The following NCOA1 variants were observed in gnomAD, a reference collection of about 807,000 sequenced individuals.
NCOA1 encodes Hin-2 protein.
Under a neutral mutation model 150.9 loss-of-function variants are expected in NCOA1, and 35 were observed. The ratio of observed to expected loss-of-function variants is 0.23; its 90% CI spans 0.18 to 0.31. The LOEUF is 0.31. NCOA1 is among the 10% of genes least tolerant of loss of function. The pLI, the probability that NCOA1 is intolerant of heterozygous loss-of-function variation, is 1.00. For synonymous variants in NCOA1, 590 were observed against 630.0 expected, an observed-to-expected ratio of 0.94 and a Z score of 0.95; for missense variants, 1,491 against 1,749.3, an observed-to-expected ratio of 0.85 and a Z score of 2.63.
intron 3 of NCOA1, among the ~76,000 whole-genome samples, chr2:24,594,368 TC>T (rs1428814320): frequency 6.6e-6 from 1 of 152,176 alleles, no homozygotes; most frequent in Non-Finnish European, 1.5e-5. Context: ...ATTTTCATGT[TC>T]CTGATGGGGG....
intron 7 of NCOA1, among the ~76,000 whole-genome samples, chr2:24,679,050 A>T (rs1672045326): frequency 6.6e-6 from 1 of 152,218 alleles, no homozygotes; most frequent in Non-Finnish European, 1.5e-5. Context: ...GTCCCATCAC[A>T]GTCACTTTGG....
intron 20 of NCOA1, 29 bp downstream of exon 20, chr2:24,752,185 T>C: frequency 6.2e-7 from 1 of 1,602,546 alleles, no homozygotes; most frequent in Non-Finnish European, 8.5e-7. Flanking sequence ...TATATGAGCA[T>C]CCTTGATACT....
chr2:24,693,713 C>G (rs1466152570), intron 10 of NCOA1, among the ~76,000 whole-genome samples: 1 of 149,154 alleles, frequency 6.7e-6, no homozygotes, highest in African/African-American at 2.4e-5. Flanking sequence ...TACTATTATG[C>G]TTAAACGTAT....
chr2:24,678,008 G>A (rs1354055485), intron 7 of NCOA1, among the ~76,000 whole-genome samples: 1 of 151,996 alleles, frequency 6.6e-6, no homozygotes, highest in Non-Finnish European at 1.5e-5. Context: ...GCATCCATTA[G>A]CTATTCTTCC....
At chr2:24,557,550 T>C (rs942273051) in intron 1 of NCOA1, among the ~76,000 whole-genome samples, 1 of 148,854 alleles carries the variant, frequency 6.7e-6, no homozygotes, top group African/African-American at 2.5e-5. Flanking sequence ...CCTTCTCCCC[T>C]CCCTTCCCCC....
chr2:24,739,651 G>A, intron 18 of NCOA1, 118 bp downstream of exon 18: 2 of 656,228 alleles, frequency 3.0e-6, no homozygotes, highest in Non-Finnish European at 5.1e-6. Flanking sequence ...GATGTTTGTA[G>A]TGTAGTTTTC....
chr2:24,588,924 TC>T (rs1667528425), intron 3 of NCOA1, among the ~76,000 whole-genome samples: 1 of 152,212 alleles, frequency 6.6e-6, no homozygotes, highest in African/African-American at 2.4e-5. Flanking sequence ...TCTTATCTCT[TC>T]CTTTTGATGA....
At chr2:24,593,610 C>T (rs1375468931) in intron 3 of NCOA1, among the ~76,000 whole-genome samples, 1 of 152,124 alleles carries the variant, frequency 6.6e-6, no homozygotes, top group African/African-American at 2.4e-5. Context: ...TGTGGACTTA[C>T]ACAAGCATCT....
intron 1 of NCOA1, among the ~76,000 whole-genome samples, chr2:24,534,231 A>G (rs1254522374): frequency 6.6e-6 from 1 of 152,156 alleles, no homozygotes; most frequent in Non-Finnish European, 1.5e-5. Context: ...TTATTTGTGT[A>G]GAGGTGTTTA....
intron 4 of NCOA1, among the ~76,000 whole-genome samples, chr2:24,651,250 C>T (rs921280787): frequency 2.6e-5 from 4 of 152,090 alleles, no homozygotes; most frequent in South Asian, 2.1e-4. Context: ...TGTCTGCACT[C>T]CCATGTTCAT....
chr2:24,649,081 A>G (rs1670603794), intron 4 of NCOA1, among the ~76,000 whole-genome samples: 1 of 151,778 alleles, frequency 6.6e-6, no homozygotes, highest in African/African-American at 2.4e-5. Context: ...AATTTTTTTT[A>G]ATTTTTATTT....
chr2:24,545,862 G>A (rs761909540), intron 1 of NCOA1, among the ~76,000 whole-genome samples: 2 of 152,130 alleles, frequency 1.3e-5, no homozygotes, highest in South Asian at 2.1e-4. Flanking sequence ...GCACGATCTC[G>A]GCTCACTGCA....
chr2:24,651,823 C>G (rs191103947), intron 4 of NCOA1, among the ~76,000 whole-genome samples: 1 of 152,048 alleles, frequency 6.6e-6, no homozygotes, highest in African/African-American at 2.4e-5. Context: ...AAATCAAAAC[C>G]ATGAGATACC....
intron 4 of NCOA1, among the ~76,000 whole-genome samples, chr2:24,650,891 C>A (rs183965540): frequency 3.9e-5 from 6 of 152,176 alleles, no homozygotes; most frequent in Admixed American, 1.3e-4. Context: ...ATTATACTTA[C>A]CAGTTGAGCA....
chr2:24,649,805 A>T (rs56085021), intron 4 of NCOA1, among the ~76,000 whole-genome samples: 84 of 152,310 alleles, frequency 5.5e-4, no homozygotes, highest in African/African-American at 2.0e-3. Context: ...TGCAAAGAAA[A>T]AAAGCATTGT....
chr2:24,675,499 A>G (rs1341805757), intron 7 of NCOA1, among the ~76,000 whole-genome samples: 1 of 152,252 alleles, frequency 6.6e-6, no homozygotes, highest in East Asian at 1.9e-4. Flanking sequence ...GGCCTGATTA[A>G]GAATCCCATA....
At position 24,707,782 on chromosome 2, in the gene NCOA1, T is replaced by G. The variant is rs1224052865; in HGVS notation, c.2312T>G (p.Val771Gly). 1.2e-6 allele frequency: 2 copies of G among 1,613,914 alleles called. No individual in the cohort carries two copies. Among genetic ancestry groups the G allele is most frequent in the Admixed American group, 3.3e-5 (2 of 59,986 alleles). Residue 771 changes from valine (V) to glycine (G), a missense_variant, in exon 13 of 23, where the codon GTA becomes GGA. Coordinates refer to ENST00000348332, the MANE Select transcript of NCOA1 (RefSeq NM_003743.5). ...ACTCCAAACCTGAGCCTGGATGATG[T>G]AAAGGTGAAAGTGGAAAAGAAAGAA... ...RSTPNLSLDD[V>G]KVKVEKKEQM...
At chr2:24,624,182 A>C (rs1423236762) in intron 3 of NCOA1, among the ~76,000 whole-genome samples, 1 of 152,164 alleles carries the variant, frequency 6.6e-6, no homozygotes, top group East Asian at 1.9e-4. Flanking sequence ...AAGAAAAAAA[A>C]TGGGTTATTA....
At chr2:24,596,377 A>C (rs1232372935) in intron 3 of NCOA1, among the ~76,000 whole-genome samples, 3 of 152,190 alleles carry the variant, frequency 2.0e-5, no homozygotes, top group African/African-American at 7.2e-5. Context: ...ATAAAATGCC[A>C]TACAGTAATA....
Sources: allele counts gnomAD v4.1 joint callset (sites outside exome capture counted in the v4.1 genomes callset), GRCh38; gene constraint gnomAD v4.1.1; transcripts MANE v1.5; gene names NCBI Gene and HGNC (gene_info 2026-07-23, HGNC 2026-07-21).